KMT2E: variants seen among roughly 807,000 people sequenced by gnomAD.
The protein encoded by KMT2E is lysine methyltransferase 2E (inactive), also known as histone reader KMT2E.
Under a neutral mutation model 184.6 loss-of-function variants are expected in KMT2E, and 30 were observed. That is an observed-to-expected ratio of 0.16 (90% confidence interval 0.12 to 0.22). KMT2E has a LOEUF of 0.22. Among genes scored for constraint, KMT2E ranks in the 10% least tolerant of loss-of-function variants. The pLI is 1.00. For missense variants in KMT2E, 2,023 were observed against 2,237.4 expected (o/e 0.90, Z 1.93); for synonymous variants, 815 against 776.5 (o/e 1.05, Z -0.82).
At chr7:105,038,838 AT>A (rs1795770007) in intron 2 of KMT2E, among the ~76,000 whole-genome samples, 2 of 152,170 alleles carry the variant, frequency 1.3e-5, no homozygotes, top group South Asian at 4.1e-4. Context: ...TTTTATATTA[AT>A]GCAAATAGTG....
intron 3 of KMT2E, among the ~76,000 whole-genome samples, chr7:105,059,978 G>GTTGT (rs1796734822): frequency 3.9e-5 from 2 of 51,796 alleles, no homozygotes; most frequent in African/African-American, 5.8e-5. Context: ...TCTTGTTGTT[G>GTTGT]TTTTTTTTTT....
intron 3 of KMT2E, among the ~76,000 whole-genome samples, chr7:105,054,567 A>G (rs1342616997): frequency 6.6e-6 from 1 of 151,896 alleles, no homozygotes; most frequent in African/African-American, 2.4e-5. Context: ...CCCAGGCTGG[A>G]GTGCAATGGT....
intron 1 of KMT2E, among the ~76,000 whole-genome samples, chr7:105,023,770 A>G (rs1795059785): frequency 6.6e-6 from 1 of 152,194 alleles, no homozygotes; most frequent in Non-Finnish European, 1.5e-5. Flanking sequence ...TAAAAAGTAA[A>G]ATATTTTTTG....
intron 15 of KMT2E, among the ~76,000 whole-genome samples, chr7:105,097,459 C>T (rs182608044): frequency 9.9e-5 from 15 of 152,246 alleles, no homozygotes; most frequent in Non-Finnish European, 1.5e-4. Context: ...AATCTTGGCT[C>T]ACCGCAACCT....
chr7:105,043,871 G>T (rs750200875), intron 3 of KMT2E, among the ~76,000 whole-genome samples: 16 of 152,080 alleles, frequency 1.1e-4, no homozygotes, highest in Non-Finnish European at 1.5e-4. Context: ...CAGGCAGATC[G>T]CTTGAGCCCA....
At chr7:105,044,920 C>CT (rs1204826299) in intron 3 of KMT2E, among the ~76,000 whole-genome samples, 2 of 152,208 alleles carry the variant, frequency 1.3e-5, no homozygotes, top group Non-Finnish European at 2.9e-5. Context: ...ACCTGCTTTA[C>CT]TTACCAAGGC....
chr7:105,026,216 CTG>C (rs1423327226), intron 1 of KMT2E, among the ~76,000 whole-genome samples: 1 of 152,098 alleles, frequency 6.6e-6, no homozygotes, highest in Non-Finnish European at 1.5e-5. Context: ...CAATTACATA[CTG>C]TAACTCTTTT....
At position 105,107,379 on chromosome 7, in the gene KMT2E, A is replaced by C; in HGVS notation, c.2922A>C (p.Ser974=). ...GTAAACAGGGATATGACAGATCTTC[A>C]ACCATGTTAACATTGGGGCCTTTTA... ...TYSQEGYDRS[S]TMLTLGPFRN... Residue 974 remains serine (S), a synonymous_variant, in exon 22 of 27, where the codon TCA becomes TCC. Coordinates refer to ENST00000311117, the MANE Select transcript of KMT2E (RefSeq NM_182931.3). The C allele has an allele frequency of 6.3e-7, 1 of 1,589,856 alleles. No homozygotes were observed. The highest frequency in any genetic ancestry group is 1.2e-5 in the South Asian group (1 of 86,820).
chr7:105,024,206 A>G (rs1673366567), intron 1 of KMT2E, among the ~76,000 whole-genome samples: 1 of 152,236 alleles, frequency 6.6e-6, no homozygotes, highest in South Asian at 2.1e-4. Flanking sequence ...TTTCACAACA[A>G]TGAAGATTAA....
chr7:105,074,698 T>C lies in KMT2E; in HGVS notation c.612T>C (p.Thr204=). ...ATGAGGTTCCTGTGGAATTATATAC[T>C]GCATTTCAGCATACTCCAACATCAA... The part of the protein sequence containing the change: ...SGDEVPVELY[T]AFQHTPTSIT... Residue 204 remains threonine, a synonymous_variant, in exon 8 of 27, where the codon ACT becomes ACC. Transcript: ENST00000311117. 2.5e-6 allele frequency: 4 copies of C among 1,605,338 alleles called. No homozygotes were observed. The South Asian group carries it at 3.4e-5, about 13-fold the overall frequency.
intron 3 of KMT2E, among the ~76,000 whole-genome samples, chr7:105,051,066 T>TCTTTCTTTCTTCTTC (rs1174701658): frequency 4.6e-5 from 7 of 150,612 alleles, no homozygotes; most frequent in African/African-American, 1.7e-4. Context: ...TCCTTTTCTT[T>TCTTTCTTTCTTCTTC]CTTTCTTTCT....
intron 15 of KMT2E, among the ~76,000 whole-genome samples, chr7:105,099,682 C>T (rs764067370): frequency 2.6e-5 from 4 of 152,260 alleles, no homozygotes; most frequent in South Asian, 2.1e-4. Flanking sequence ...TGGGTGCCCA[C>T]CTGTGGGTAG....
intron 3 of KMT2E, among the ~76,000 whole-genome samples, chr7:105,051,878 C>T (rs1036726149): frequency 4.6e-5 from 7 of 152,146 alleles, no homozygotes; most frequent in East Asian, 1.9e-4. Context: ...CATGAACCGC[C>T]GCGCCTGGCC....
intron 8 of KMT2E, among the ~76,000 whole-genome samples, chr7:105,075,287 T>C (rs974470698): frequency 6.6e-6 from 1 of 152,128 alleles, no homozygotes; most frequent in African/African-American, 2.4e-5. Flanking sequence ...TTTGTATTTG[T>C]TAGTCACTCT....
chr7:105,112,510 G>T lies in KMT2E; in HGVS notation c.4754G>T (p.Gly1585Val). The T allele has an allele frequency of 6.2e-7, 1 of 1,613,904 alleles. No individual in the cohort carries two copies. Among genetic ancestry groups the T allele is most frequent in the Non-Finnish European group, 8.5e-7 (1 of 1,180,010 alleles). ...TCTCAACAAACTGTGTTTACATCAG[G>T]ACCAAATCAAGCACTTCCTGGCACC... ...SLSQQTVFTS[G>V]PNQALPGTTS... The change falls in exon 27 of 27, where the codon GGA becomes GTA. Residue 1585 changes from glycine (G) to valine (V), a missense_variant. Coordinates refer to ENST00000311117, the MANE Select transcript of KMT2E (RefSeq NM_182931.3).
intron 6 of KMT2E, among the ~76,000 whole-genome samples, chr7:105,071,794 C>T (rs1183412812): frequency 1.3e-5 from 2 of 150,610 alleles, no homozygotes; most frequent in Non-Finnish European, 3.0e-5. Context: ...GATAAGCATG[C>T]CCACTTTCCC....
chr7:105,025,476 GTA>G (rs1795141013), intron 1 of KMT2E, among the ~76,000 whole-genome samples: 1 of 152,010 alleles, frequency 6.6e-6, no homozygotes. Context: ...TATAGTTTAT[GTA>G]TTTTTTTCTA....
At chr7:105,064,429 A>C (rs1004814773) in intron 5 of KMT2E, among the ~76,000 whole-genome samples, 6 of 151,930 alleles carry the variant, frequency 3.9e-5, no homozygotes, top group African/African-American at 1.4e-4. Flanking sequence ...TAAGTATAAA[A>C]ATGGACCCTA....
At chr7:105,107,049 AAAC>A (rs1296013708) in intron 20 of KMT2E, 114 bp from the exon 21 acceptor site, 1 of 672,900 alleles carries the variant, frequency 1.5e-6, no homozygotes, top group African/African-American at 1.8e-5. Context: ...AATAAACAGG[AAAC>A]AAGATCTAAA....
Sources: gnomAD v4.1 joint callset for allele counts (sites outside exome capture counted in the v4.1 genomes callset) on GRCh38, gnomAD v4.1.1 for gene constraint, MANE v1.5 for transcripts, NCBI Gene and HGNC (gene_info 2026-07-23, HGNC 2026-07-21) for gene names.